Variants in DAB1 observed in about 807,000 individuals in gnomAD.
DAB1 encodes the protein disabled homolog 1.
Under a neutral mutation model 64.6 loss-of-function variants are expected in DAB1, and 15 were observed. The observed-to-expected ratio is 0.23, with a 90% CI of 0.16 to 0.36. The LOEUF is 0.36. Ranked by LOEUF, DAB1 falls within the 10% of genes least tolerant of loss-of-function variation. The pLI is 1.00. For synonymous variants in DAB1, 235 were observed against 251.9 expected, an observed-to-expected ratio of 0.93 and a Z score of 0.64; for missense variants, 596 against 706.7, an observed-to-expected ratio of 0.84 and a Z score of 1.78.
At chr1:57,470,597 C>T (rs1687102938) in intron 7 of DAB1, among the ~76,000 whole-genome samples, 1 of 152,162 alleles carries the variant, frequency 6.6e-6, no homozygotes, top group African/African-American at 2.4e-5. Context: ...CCGTATAAAC[C>T]AGTCTTGTCA....
At chr1:57,321,417 TGGCATCAACTC>T (rs2100765584) in intron 1 of DAB1, among the ~76,000 whole-genome samples, 1 of 152,252 alleles carries the variant, frequency 6.6e-6, no homozygotes, top group South Asian at 2.1e-4. Context: ...ACCAACCCAG[TGGCATCAACTC>T]TCACCTCTTG....
At chr1:57,268,391 A>G (rs1461121336) in intron 2 of DAB1, among the ~76,000 whole-genome samples, 1 of 152,148 alleles carries the variant, frequency 6.6e-6, no homozygotes, top group Non-Finnish European at 1.5e-5. Context: ...TGGGCTTCCA[A>G]TGTGGAAATA....
At chr1:57,672,560 G>A (rs1256349188) in intron 6 of DAB1, among the ~76,000 whole-genome samples, 1 of 152,118 alleles carries the variant, frequency 6.6e-6, no homozygotes. Context: ...CCGCATCAAT[G>A]AATAGGCAGA....
At chr1:57,314,242 AG>A in intron 1 of DAB1, among the ~76,000 whole-genome samples, 1 of 152,258 alleles carries the variant, frequency 6.6e-6, no homozygotes, top group Middle Eastern at 3.2e-3. Context: ...CAGACTTAAA[AG>A]GAAACATTTT....
intron 5 of DAB1, among the ~76,000 whole-genome samples, chr1:58,033,392 ACTTCACGGTTC>A (rs1296898449): frequency 6.6e-6 from 1 of 152,044 alleles, no homozygotes; most frequent in Non-Finnish European, 1.5e-5. Context: ...GCACCATACA[ACTTCACGGTTC>A]CTTATGGTTT....
At chr1:57,901,103 G>T (rs1045096895) in intron 5 of DAB1, among the ~76,000 whole-genome samples, 1 of 152,094 alleles carries the variant, frequency 6.6e-6, no homozygotes, top group Admixed American at 6.6e-5. Flanking sequence ...GAAAACAAAG[G>T]CTTACAGAAG....
At chr1:57,649,517 A>AT (rs1246129963) in intron 7 of DAB1, 1 of 152,132 alleles carries the variant, frequency 6.6e-6, no homozygotes, top group Non-Finnish European at 1.5e-5. Context: ...GAACCCAGAG[A>AT]TATTTGTGGG....
intron 7 of DAB1, among the ~76,000 whole-genome samples, chr1:57,434,974 T>A (rs1406146604): frequency 6.6e-6 from 1 of 152,102 alleles, no homozygotes; most frequent in African/African-American, 2.4e-5. Context: ...CTGTAGACTT[T>A]ATAAACATTT....
intron 1 of DAB1, among the ~76,000 whole-genome samples, chr1:57,402,102 T>A (rs1683288554): frequency 6.6e-6 from 1 of 152,184 alleles, no homozygotes; most frequent in Non-Finnish European, 1.5e-5. Context: ...GAAAAAGACC[T>A]CTAATTTCAC....
At chr1:58,077,378 G>A (rs1570321087) in intron 5 of DAB1, among the ~76,000 whole-genome samples, 2 of 152,144 alleles carry the variant, frequency 1.3e-5, no homozygotes, top group Admixed American at 6.5e-5. Context: ...ACAGCAAGCC[G>A]AGAAACGACC....
intron 4 of DAB1, among the ~76,000 whole-genome samples, chr1:58,302,427 G>A (rs1320749998): frequency 1.3e-5 from 2 of 152,114 alleles, no homozygotes; most frequent in African/African-American, 4.8e-5. Flanking sequence ...AAACAGAGGG[G>A]AAACCTGAGC....
At chr1:57,707,454 T>C (rs1478316111) in intron 6 of DAB1, among the ~76,000 whole-genome samples, 1 of 152,108 alleles carries the variant, frequency 6.6e-6, no homozygotes, top group Non-Finnish European at 1.5e-5. Flanking sequence ...TTTTTAGTTT[T>C]GGGCTATTAA....
At chr1:57,083,720 G>A (rs1005293721) in intron 4 of DAB1, among the ~76,000 whole-genome samples, 3 of 152,274 alleles carry the variant, frequency 2.0e-5, no homozygotes, top group Admixed American at 1.3e-4. Context: ...TCCAAGTTCC[G>A]GTGTCTTCAT....
chr1:57,489,434 C>T (rs1046509595), intron 7 of DAB1, among the ~76,000 whole-genome samples: 17 of 152,256 alleles, frequency 1.1e-4, no homozygotes, highest in African/African-American at 3.9e-4. Context: ...CTCTGGGACT[C>T]GGGATGGGAA....
intron 7 of DAB1, among the ~76,000 whole-genome samples, chr1:57,476,291 G>T (rs1553185477): frequency 6.6e-6 from 1 of 151,086 alleles, no homozygotes; most frequent in Non-Finnish European, 1.5e-5. Context: ...GGAAAATGGG[G>T]AAAAAATGTA....
chr1:58,376,023 G>C (rs1644321371), intron 3 of DAB1, among the ~76,000 whole-genome samples: 1 of 151,252 alleles, frequency 6.6e-6, no homozygotes, highest in Admixed American at 6.6e-5. Context: ...GGGATCGGTG[G>C]TGATATCCCC....
chr1:57,890,431 G>T (rs1644293679), intron 5 of DAB1, among the ~76,000 whole-genome samples: 3 of 148,354 alleles, frequency 2.0e-5, no homozygotes, highest in African/African-American at 5.0e-5. Flanking sequence ...CTCTTTTTTT[G>T]CTTTGCTTTT....
At chr1:57,621,512 A>G (rs1018843339) in intron 7 of DAB1, among the ~76,000 whole-genome samples, 10 of 151,830 alleles carry the variant, frequency 6.6e-5, no homozygotes, top group African/African-American at 2.4e-4. Context: ...CAGTTTCTGC[A>G]GGGTTTGGGG....
At chr1:58,162,887 G>T (rs915497196) in intron 4 of DAB1, among the ~76,000 whole-genome samples, 1 of 152,110 alleles carries the variant, frequency 6.6e-6, no homozygotes, top group Non-Finnish European at 1.5e-5. Flanking sequence ...TCTAAACCAG[G>T]GGCGATTTTG....
Sources: allele counts gnomAD v4.1 joint callset (sites outside exome capture counted in the v4.1 genomes callset), GRCh38; gene constraint gnomAD v4.1.1; transcripts MANE v1.5; gene names NCBI Gene and HGNC (gene_info 2026-07-23, HGNC 2026-07-21).